The following NRG1 variants were observed in gnomAD, a reference collection of about 807,000 sequenced individuals.
NRG1 encodes the protein neuregulin 1, also known as pro-neuregulin-1, membrane-bound isoform.
A neutral mutation model predicts 63.8 loss-of-function variants in NRG1; 18 were observed. The observed-to-expected ratio is 0.28, with a 90% confidence interval of 0.19 to 0.42. The LOEUF (loss-of-function observed/expected upper bound fraction) is 0.42. Among genes scored for constraint, NRG1 ranks in the 10% least tolerant of loss-of-function variants. The pLI, the probability that NRG1 is intolerant of heterozygous loss-of-function variation, is 1.00. For missense variants in NRG1, 762 were observed against 814.7 expected (o/e 0.94, Z 0.79); for synonymous variants, 302 against 301.3 (o/e 1.00, Z -0.02).
intron 1 of NRG1, among the ~76,000 whole-genome samples, chr8:32,211,122 G>A (rs986623573): frequency 6.6e-6 from 1 of 152,056 alleles, no homozygotes; most frequent in Non-Finnish European, 1.5e-5. Context: ...TTAGCATTTT[G>A]GTGTGTTTCT....
intron 1 of NRG1, among the ~76,000 whole-genome samples, chr8:32,581,376 C>T (rs893045855): frequency 1.3e-5 from 2 of 152,226 alleles, no homozygotes; most frequent in East Asian, 3.9e-4. Flanking sequence ...GTAGTGATAA[C>T]CCTGATAAAT....
chr8:32,281,279 C>G (rs112942373), intron 1 of NRG1, among the ~76,000 whole-genome samples: 1 of 149,928 alleles, frequency 6.7e-6, no homozygotes, highest in Non-Finnish European at 1.5e-5. Flanking sequence ...TGAGTTCAAG[C>G]GATTCCCCCT....
chr8:31,895,653 A>G (rs1437363388), intron 1 of NRG1, among the ~76,000 whole-genome samples: 1 of 152,094 alleles, frequency 6.6e-6, no homozygotes, highest in African/African-American at 2.4e-5. Context: ...TGCTATCATT[A>G]ACTGTCATTT....
intron 1 of NRG1, among the ~76,000 whole-genome samples, chr8:32,536,691 G>A (rs1310931957): frequency 1.3e-5 from 2 of 151,210 alleles, no homozygotes; most frequent in East Asian, 4.0e-4. Context: ...GGGAGGCCGA[G>A]GCAGGTGGAT....
intron 1 of NRG1, among the ~76,000 whole-genome samples, chr8:31,861,984 C>T (rs767005005): frequency 7.9e-5 from 12 of 152,086 alleles, no homozygotes; most frequent in East Asian, 1.9e-4. Context: ...CTTGGCATTT[C>T]GCAAGCTGAG....
At chr8:32,145,874 C>G (rs1430464567) in intron 1 of NRG1, among the ~76,000 whole-genome samples, 1 of 152,162 alleles carries the variant, frequency 6.6e-6, no homozygotes, top group African/African-American at 2.4e-5. Context: ...ACCACTGGTC[C>G]TTTGGGTTCT....
intron 1 of NRG1, among the ~76,000 whole-genome samples, chr8:32,424,502 T>C (rs978450217): frequency 1.3e-5 from 2 of 152,200 alleles, no homozygotes; most frequent in African/African-American, 4.8e-5. Flanking sequence ...ACCATTTTGA[T>C]ACAAAGTTCA....
At chr8:32,075,651 CTTTTTTTTTTTTTTTTTTTTTTTTTTTTT>C (rs200354474) in intron 1 of NRG1, among the ~76,000 whole-genome samples, 2 of 150,410 alleles carry the variant, frequency 1.3e-5, no homozygotes, top group Admixed American at 6.6e-5. Context: ...ATATTTTAAC[CTTTTTTTTTTTTTTTTTTTTTTTTTTTTT>C]TTTTTTTTTT....
intron 1 of NRG1, among the ~76,000 whole-genome samples, chr8:31,715,353 T>A (rs1812250235): frequency 6.6e-6 from 1 of 152,158 alleles, no homozygotes; most frequent in South Asian, 2.1e-4. Context: ...TTAATTGAGA[T>A]AAATGATCCA....
chr8:32,235,572 G>C (rs942416556), intron 1 of NRG1, among the ~76,000 whole-genome samples: 1 of 152,130 alleles, frequency 6.6e-6, no homozygotes, highest in East Asian at 1.9e-4. Flanking sequence ...TCTAGGATGA[G>C]ACCAGAAGGG....
At chr8:32,455,913 C>G (rs1458135055) in intron 1 of NRG1, among the ~76,000 whole-genome samples, 1 of 152,206 alleles carries the variant, frequency 6.6e-6, no homozygotes, top group East Asian at 1.9e-4. Context: ...CTCTGAGTAG[C>G]TGGGACTACA....
chr8:32,104,705 TAAAAAC>T (rs1232510578), intron 1 of NRG1, among the ~76,000 whole-genome samples: 2 of 152,146 alleles, frequency 1.3e-5, no homozygotes, highest in East Asian at 1.9e-4. Context: ...AAAATTTTGT[TAAAAAC>T]AAAGACACAA....
At position 31,640,301 on chromosome 8, in the gene NRG1, G is replaced by C. The variant is rs1283327478; in HGVS notation, c.37+870G>C. On this transcript the variant is annotated intron_variant, in intron 1 of 10. Transcript: ENST00000519301. This position sits in a 1 kb window ranked among gnomAD's most constrained non-coding sequence, Gnocchi z 6.3. ...GACAGGAAGGCGGCGGCGGCGGCGG[G>C]CGAGGCAGGGGCGTGGGGCGGCGAT... The C allele has an allele frequency of 8.8e-7, 1 of 1,137,896 alleles. No individual in the cohort carries two copies. The highest frequency in any genetic ancestry group is 1.1e-6 in the Non-Finnish European group (1 of 928,354). The allele number at this position is 1,137,896 out of a possible 1,614,324, so 70.5% of individuals were successfully genotyped here.
At chr8:32,070,649 C>T (rs1403750278) in intron 1 of NRG1, among the ~76,000 whole-genome samples, 1 of 152,146 alleles carries the variant, frequency 6.6e-6, no homozygotes, top group Admixed American at 6.5e-5. Context: ...ATCTATTCAC[C>T]TCTCTCTGTT....
chr8:31,865,979 G>T (rs1828920947), intron 1 of NRG1, among the ~76,000 whole-genome samples: 1 of 152,102 alleles, frequency 6.6e-6, no homozygotes, highest in Non-Finnish European at 1.5e-5. Context: ...TTCTCCACCT[G>T]GTCACCAGGC....
intron 1 of NRG1, among the ~76,000 whole-genome samples, chr8:32,069,739 G>T (rs1426481228): frequency 6.6e-6 from 1 of 152,038 alleles, no homozygotes; most frequent in Admixed American, 6.6e-5. Flanking sequence ...GAAAGCAAGG[G>T]TACCAAAACC....
intron 1 of NRG1, among the ~76,000 whole-genome samples, chr8:32,322,859 T>TG (rs1447629333): frequency 2.7e-5 from 2 of 74,176 alleles, no homozygotes; most frequent in African/African-American, 4.5e-5. Flanking sequence ...AGCAATTCTC[T>TG]GGGTTTTTTT....
intron 5 of NRG1, among the ~76,000 whole-genome samples, chr8:32,700,994 C>G (rs1383276304): frequency 6.6e-6 from 1 of 152,138 alleles, no homozygotes; most frequent in Non-Finnish European, 1.5e-5. Flanking sequence ...ATCCGCACAC[C>G]TCCCACACCA....
intron 1 of NRG1, among the ~76,000 whole-genome samples, chr8:32,460,174 G>A (rs184493761): frequency 6.6e-6 from 1 of 152,332 alleles, no homozygotes; most frequent in East Asian, 1.9e-4. Flanking sequence ...ATAAACATAA[G>A]AGTGAATGAA....
Sources: gnomAD v4.1 joint callset for allele counts (sites outside exome capture counted in the v4.1 genomes callset) on GRCh38, gnomAD v4.1.1 for gene constraint, Gnocchi (gnomAD v3.1) non-coding constraint, MANE v1.5 for transcripts, NCBI Gene and HGNC (gene_info 2026-07-23, HGNC 2026-07-21) for gene names.